The following CELF4 variants were observed in gnomAD, a reference collection of about 807,000 sequenced individuals.
CELF4 encodes CUGBP Elav-like family member 4.
A neutral mutation model predicts 59.9 loss-of-function variants in CELF4; 18 were observed. That is an observed-to-expected ratio of 0.30 (90% CI 0.21 to 0.45). The LOEUF (loss-of-function observed/expected upper bound fraction) is 0.45, where lower values mean the gene tolerates loss of function less well. Ranked by LOEUF, CELF4 falls within the 20% of genes least tolerant of loss-of-function variation. CELF4 has a pLI of 1.00. For missense variants in CELF4, 456 were observed against 689.0 expected (o/e 0.66, Z 3.79); for synonymous variants, 261 against 267.1 (o/e 0.98, Z 0.22).
intron 1 of CELF4, among the ~76,000 whole-genome samples, chr18:37,504,500 C>A (rs1406960699): frequency 6.6e-6 from 1 of 150,606 alleles, no homozygotes; most frequent in Non-Finnish European, 1.5e-5. Context: ...TTGCTTGGCT[C>A]AATTTCCTTT....
At chr18:37,266,828 T>C (rs1253260894) in intron 8 of CELF4, among the ~76,000 whole-genome samples, 1 of 151,988 alleles carries the variant, frequency 6.6e-6, no homozygotes, top group East Asian at 1.9e-4. Flanking sequence ...GGCTGGGGGA[T>C]GCAAGCTGCA....
chr18:37,264,643 G>A (rs1288349841), intron 10 of CELF4, 31 bp downstream of exon 10: 2 of 1,543,046 alleles, frequency 1.3e-6, no homozygotes, highest in Non-Finnish European at 1.8e-6. Flanking sequence ...CAGGGGGAGG[G>A]AGGGGCCCAG....
rs113902069 is a variant in CELF4 at position 37,367,462 on chromosome 18, G to A, written c.370-45581C>T. On this transcript the variant is annotated intron_variant, in intron 2 of 12. Transcript: ENST00000420428. ...CCTGAGCTGGGGCAGGGGTGGGGATGGGGAGGACAGAGGGAAAGGATGCTC... is the reference window on the plus strand; with the variant it reads ...CCTGAGCTGGGGCAGGGGTGGGGATAGGGAGGACAGAGGGAAAGGATGCTC... Among the ~76,000 whole-genome samples, 1,302 of 152,094 alleles carry A rather than the reference G, an allele frequency of 8.6e-3. 12 individuals are homozygous for A. Among genetic ancestry groups the A allele is most frequent in the Middle Eastern group, 0.048 (14 of 294 alleles).
chr18:37,244,583 G>GT lies in CELF4; in HGVS notation c.*658dup, dbSNP rs200979856. On this transcript the variant is annotated 3_prime_UTR_variant, in exon 13 of 13. Coordinates refer to ENST00000420428, the MANE Select transcript of CELF4 (RefSeq NM_020180.4). ...TTTTTTGTTGTTTTTTTTGTTTTTT[G>GT]TTTTTTTTTTAATTTTTTATTACAT... The GT allele has an allele frequency of 4.2e-3, 626 of 148,786 alleles. 4 individuals are homozygous for GT. Among genetic ancestry groups the GT allele is most frequent in the East Asian group, 5.9e-3 (30 of 5,064 alleles). 9.2% of individuals were successfully genotyped at this position (148,786 alleles called of 1,614,324 possible). A position where few individuals can be genotyped will look rare whatever the true frequency, so the allele number is the denominator to read the frequency against.
At chr18:37,280,798 C>G (rs2094038788) in intron 3 of CELF4, among the ~76,000 whole-genome samples, 1 of 152,250 alleles carries the variant, frequency 6.6e-6, no homozygotes, top group African/African-American at 2.4e-5. Context: ...TCACCTGCCT[C>G]CTGACTGCTT....
intron 2 of CELF4, among the ~76,000 whole-genome samples, chr18:37,331,065 T>C (rs1241831497): frequency 6.6e-6 from 1 of 152,226 alleles, no homozygotes; most frequent in East Asian, 1.9e-4. Flanking sequence ...GGAGGCCATC[T>C]GATGCTTGTT....
Position 37,273,104 on chromosome 18 carries a change from G to C in CELF4, c.861C>G (p.Pro287=), listed in dbSNP as rs746007664. The change falls in exon 7 of 13, where the codon CCC becomes CCG. Residue 287 remains proline, a synonymous_variant. Transcript: ENST00000420428. ...TCTGGGCGGCAGCGAAGGCAGCCAT[G>C]GGGTTCAGGTAGCCGCCCTGCGCGA... is the stretch of plus-strand genomic sequence containing the variant. ...ASVAQGGYLN[P]MAAFAAAQMQ... 12 of 1,613,426 alleles carry C rather than the reference G, an allele frequency of 7.4e-6. No homozygotes were observed. The highest frequency in any genetic ancestry group is 1.0e-5 in the Non-Finnish European group (12 of 1,179,960).
intron 7 of CELF4, among the ~76,000 whole-genome samples, chr18:37,272,571 T>TG (rs1491382193): frequency 7.4e-5 from 2 of 26,922 alleles, no homozygotes; most frequent in Non-Finnish European, 1.4e-4. Context: ...TAAAGGGAAA[T>TG]GAAAAAAAAA....
intron 1 of CELF4, among the ~76,000 whole-genome samples, chr18:37,517,591 G>A (rs564876175): frequency 2.6e-5 from 4 of 152,258 alleles, no homozygotes; most frequent in South Asian, 4.1e-4. Context: ...ACAGTTGGTC[G>A]CCCCGTGTCT....
At chr18:37,495,922 A>G (rs1284737642) in intron 1 of CELF4, among the ~76,000 whole-genome samples, 1 of 152,196 alleles carries the variant, frequency 6.6e-6, no homozygotes, top group African/African-American at 2.4e-5. Context: ...AGAATAGATC[A>G]TAACAGCAAG....
At chr18:37,490,990 C>G (rs1453472412) in intron 1 of CELF4, among the ~76,000 whole-genome samples, 1 of 152,076 alleles carries the variant, frequency 6.6e-6, no homozygotes, top group African/African-American at 2.4e-5. Context: ...GCAGCCTGTT[C>G]TGGAGCAGAG....
At chr18:37,309,236 G>C (rs72883675) in intron 3 of CELF4, among the ~76,000 whole-genome samples, 2 of 152,192 alleles carry the variant, frequency 1.3e-5, no homozygotes, top group Non-Finnish European at 2.9e-5. Context: ...GGACAGCAAG[G>C]CTTGGAAGAC....
rs1011100417 is a variant in CELF4 at position 37,319,031 on chromosome 18, G to A, written c.448+2772C>T. On this transcript the variant is annotated intron_variant, in intron 3 of 12. Transcript: ENST00000420428. ...TCCCCTGAGGCCTCTGGCTGCCCCC[G>A]CCTGGGGGATCTCCTCTCCGGAACT... 7.2e-5 allele frequency among the ~76,000 whole-genome samples: 11 copies of A among 151,882 alleles called. No individual in the cohort carries two copies. In the South Asian group the frequency reaches 8.4e-4, roughly 12 times the overall value.
At chr18:37,400,185 G>A (rs2154580876) in intron 2 of CELF4, among the ~76,000 whole-genome samples, 1 of 152,302 alleles carries the variant, frequency 6.6e-6, no homozygotes, top group Non-Finnish European at 1.5e-5. Context: ...AAGAAATTCT[G>A]CCTCAAGACT....
chr18:37,516,782 G>A (rs1447763540), intron 1 of CELF4, among the ~76,000 whole-genome samples: 3 of 152,198 alleles, frequency 2.0e-5, no homozygotes, highest in Non-Finnish European at 2.9e-5. Context: ...CTTGGAGAGG[G>A]TGGCTCACCC....
chr18:37,560,635 C>T (rs759140053), intron 1 of CELF4, among the ~76,000 whole-genome samples: 26 of 152,234 alleles, frequency 1.7e-4, no homozygotes, highest in Middle Eastern at 3.4e-3. Context: ...AGTCTTTCCC[C>T]CTGGACAGAA....
chr18:37,500,671 C>G (rs2099930698), intron 1 of CELF4, among the ~76,000 whole-genome samples: 1 of 151,772 alleles, frequency 6.6e-6, no homozygotes, highest in Non-Finnish European at 1.5e-5. Flanking sequence ...GTAGTTGGGA[C>G]TACAGGCACC....
At chr18:37,494,870 C>A (rs1327378880) in intron 1 of CELF4, among the ~76,000 whole-genome samples, 1 of 152,154 alleles carries the variant, frequency 6.6e-6, no homozygotes, top group African/African-American at 2.4e-5. Flanking sequence ...AATCCTGTGG[C>A]CTTCTCTTGG....
chr18:37,556,592 T>G (rs1167394889), intron 1 of CELF4, among the ~76,000 whole-genome samples: 1 of 152,192 alleles, frequency 6.6e-6, no homozygotes, highest in Non-Finnish European at 1.5e-5. Flanking sequence ...GCTGCTGTTG[T>G]GCCTACCTGC....
Sources: gnomAD v4.1 joint callset for allele counts (sites outside exome capture counted in the v4.1 genomes callset) on GRCh38, gnomAD v4.1.1 for gene constraint, MANE v1.5 for transcripts, NCBI Gene and HGNC (gene_info 2026-07-23, HGNC 2026-07-21) for gene names.